The following WWOX variants were observed in gnomAD, a reference collection of about 807,000 sequenced individuals.
WWOX encodes WW domain-containing oxidoreductase.
WWOX carries 69 observed loss-of-function variants against 46.2 expected under a neutral mutation model. The observed-to-expected ratio is 1.49, with a 90% CI of 1.23 to 1.82. WWOX has a LOEUF of 1.82. WWOX is among the 40% of genes most tolerant of loss of function. The probability of loss-of-function intolerance (pLI) is 0.00; values close to 1 mark genes in which losing one functional copy is unlikely to be tolerated. For missense variants in WWOX, 919 were observed against 542.6 expected (o/e 1.69, Z -6.89); for synonymous variants, 359 against 202.6 (o/e 1.77, Z -6.56).
chr16:78,976,526 G>C (rs377368355), intron 8 of WWOX, among the ~76,000 whole-genome samples: 1 of 152,328 alleles, frequency 6.6e-6, no homozygotes, highest in South Asian at 2.1e-4. Flanking sequence ...GGGTGATGTA[G>C]TTGCATGCAC....
At chr16:78,653,969 C>G (rs1252493151) in intron 8 of WWOX, among the ~76,000 whole-genome samples, 4 of 152,302 alleles carry the variant, frequency 2.6e-5, no homozygotes, top group Admixed American at 2.0e-4. Context: ...TTACAAAAGG[C>G]AAAGCAGAGA....
At chr16:78,174,998 GTAATAATAATAA>G (rs368742234) in intron 5 of WWOX, among the ~76,000 whole-genome samples, 5 of 140,880 alleles carry the variant, frequency 3.5e-5, no homozygotes, top group South Asian at 2.2e-4. Context: ...AAAAATAATA[GTAATAATAATAA>G]TAATAATAAT....
chr16:78,372,023 C>A (rs1477710173), intron 5 of WWOX, among the ~76,000 whole-genome samples: 4 of 152,090 alleles, frequency 2.6e-5, no homozygotes, highest in African/African-American at 9.7e-5. Context: ...AGTGTACCTC[C>A]CTTAGATTTA....
intron 8 of WWOX, among the ~76,000 whole-genome samples, chr16:78,952,507 T>C (rs2046082289): frequency 1.3e-5 from 2 of 151,640 alleles, no homozygotes; most frequent in Non-Finnish European, 2.9e-5. Context: ...CTCTGCCTCC[T>C]GAGTAGCTGG....
intron 8 of WWOX, among the ~76,000 whole-genome samples, chr16:79,131,477 A>G (rs1349214897): frequency 6.6e-6 from 1 of 152,156 alleles, no homozygotes; most frequent in Non-Finnish European, 1.5e-5. Context: ...GCAATTTATG[A>G]AATGTTAAGC....
chr16:78,708,152 T>C (rs186826813), intron 8 of WWOX, among the ~76,000 whole-genome samples: 9 of 152,172 alleles, frequency 5.9e-5, no homozygotes, highest in African/African-American at 1.4e-4. Context: ...GACTGCACCA[T>C]TGCATTCCAG....
intron 5 of WWOX, among the ~76,000 whole-genome samples, chr16:78,362,445 A>G (rs564899754): frequency 1.4e-4 from 21 of 152,242 alleles, no homozygotes; most frequent in African/African-American, 4.6e-4. Flanking sequence ...CCCTATCCCT[A>G]TTAAAAATAC....
intron 8 of WWOX, among the ~76,000 whole-genome samples, chr16:79,020,654 A>T (rs569997509): frequency 8.5e-5 from 13 of 152,302 alleles, no homozygotes; most frequent in South Asian, 2.1e-4. Context: ...TTTCAGGCCA[A>T]TGTGATAATA....
chr16:78,174,903 G>T (rs551057963), intron 5 of WWOX, among the ~76,000 whole-genome samples: 232 of 152,110 alleles, frequency 1.5e-3, no homozygotes, highest in African/African-American at 5.4e-3. Context: ...CAGGAGAATT[G>T]CTTTAACCTG....
chr16:78,184,813 C>G (rs1010635938), intron 5 of WWOX, among the ~76,000 whole-genome samples: 11 of 152,286 alleles, frequency 7.2e-5, no homozygotes, highest in African/African-American at 2.6e-4. Context: ...TCGTTGATGT[C>G]ACATGTACAG....
intron 4 of WWOX, among the ~76,000 whole-genome samples, chr16:78,158,504 G>A (rs1474568950): frequency 6.7e-6 from 1 of 148,150 alleles, no homozygotes; most frequent in African/African-American, 2.5e-5. Flanking sequence ...CCTTTTTTGA[G>A]ATGACTTTAA....
intron 8 of WWOX, among the ~76,000 whole-genome samples, chr16:78,759,884 G>A (rs2049748437): frequency 6.6e-6 from 1 of 152,158 alleles, no homozygotes; most frequent in African/African-American, 2.4e-5. Flanking sequence ...TCTAGAGGCT[G>A]CTGGCATTTT....
chr16:78,285,258 C>A (rs962965600), intron 5 of WWOX, among the ~76,000 whole-genome samples: 2 of 151,800 alleles, frequency 1.3e-5, no homozygotes, highest in East Asian at 1.9e-4. Flanking sequence ...CACAGTGAGA[C>A]CCTGTCTCTA....
chr16:78,666,137 A>G (rs2047327764), intron 8 of WWOX, among the ~76,000 whole-genome samples: 3 of 152,022 alleles, frequency 2.0e-5, no homozygotes, highest in Admixed American at 6.5e-5. Flanking sequence ...ATTTAAAAAA[A>G]TTAGCCGAGT....
At chr16:78,622,688 A>T (rs199507296) in intron 8 of WWOX, among the ~76,000 whole-genome samples, 12 of 11,898 alleles carry the variant, frequency 1.0e-3, no homozygotes, top group Admixed American at 6.1e-3. Flanking sequence ...GGGATATGGG[A>T]GACTTACTTC....
intron 5 of WWOX, among the ~76,000 whole-genome samples, chr16:78,234,875 G>C (rs1029776023): frequency 1.9e-4 from 29 of 151,622 alleles, no homozygotes; most frequent in Non-Finnish European, 3.1e-4. Flanking sequence ...AACTGAAGTT[G>C]ATATAGCAGG....
intron 5 of WWOX, among the ~76,000 whole-genome samples, chr16:78,234,129 T>C (rs2037360906): frequency 6.6e-6 from 1 of 152,074 alleles, no homozygotes; most frequent in Non-Finnish European, 1.5e-5. Flanking sequence ...TCTTTTTTTT[T>C]TTTGAGTCTG....
intron 8 of WWOX, among the ~76,000 whole-genome samples, chr16:78,455,568 G>T (rs2083794667): frequency 6.8e-6 from 1 of 146,384 alleles, no homozygotes; most frequent in Admixed American, 7.0e-5. Context: ...GCTTGAACCT[G>T]GGAGTAGGAG....
At chr16:78,109,348 C>T (rs189117940) in intron 2 of WWOX, among the ~76,000 whole-genome samples, 38 of 152,052 alleles carry the variant, frequency 2.5e-4, no homozygotes, top group African/African-American at 8.9e-4. Flanking sequence ...GGTTCCTGCC[C>T]TTAAGAGGTT....
Sources: gnomAD v4.1 joint callset for allele counts (sites outside exome capture counted in the v4.1 genomes callset) on GRCh38, gnomAD v4.1.1 for gene constraint, MANE v1.5 for transcripts, NCBI Gene and HGNC (gene_info 2026-07-23, HGNC 2026-07-21) for gene names.